Variants in ROPN1L observed in about 807,000 individuals in gnomAD.
ROPN1L encodes the protein ropporin-1-like protein.
ROPN1L carries 23 observed loss-of-function variants against 22.7 expected under a neutral mutation model. That is an observed-to-expected ratio of 1.01 (90% CI 0.73 to 1.43). The LOEUF (loss-of-function observed/expected upper bound fraction) is 1.43. ROPN1L is among the 40% of genes most tolerant of loss of function. The pLI is 0.00. For missense variants in ROPN1L, 271 were observed against 291.5 expected, an observed-to-expected ratio of 0.93 and a Z score of 0.51; for synonymous variants, 116 against 117.8, an observed-to-expected ratio of 0.98 and a Z score of 0.10.
At chr5:10,446,082 T>C (rs955171938) in intron 1 of ROPN1L, among the ~76,000 whole-genome samples, 2 of 152,242 alleles carry the variant, frequency 1.3e-5, no homozygotes, top group African/African-American at 4.8e-5. Flanking sequence ...GAGTCGGCTG[T>C]TCCTTATGAC....
intron 4 of ROPN1L, 85 bp from the exon 5 acceptor site, chr5:10,464,763 T>C (rs1050902966): frequency 5.2e-6 from 4 of 772,150 alleles, no homozygotes; most frequent in Non-Finnish European, 8.2e-6. Context: ...AGTAGACCTT[T>C]TAAATTATAT....
chr5:10,477,336 C>T, the ROPN1L span, among the ~76,000 whole-genome samples: 3 of 152,218 alleles, frequency 2.0e-5, no homozygotes, highest in Non-Finnish European at 4.4e-5. Flanking sequence ...TCCTGGTCCA[C>T]GGACTTGCTA....
At chr5:10,443,932 C>T (rs900842497) in intron 1 of ROPN1L, among the ~76,000 whole-genome samples, 4 of 152,154 alleles carry the variant, frequency 2.6e-5, no homozygotes, top group African/African-American at 7.2e-5. Context: ...AGTTTTCCCA[C>T]CCGAGATCCT....
At chr5:10,464,641 T>C (rs1471813005) in intron 4 of ROPN1L, among the ~76,000 whole-genome samples, 2 of 152,240 alleles carry the variant, frequency 1.3e-5, no homozygotes, top group African/African-American at 4.8e-5. Context: ...TCTTTTCACC[T>C]AGAAATAAAG....
chr5:10,450,158 G>C (rs777295315), intron 3 of ROPN1L, 45 bp downstream of exon 3: 2 of 1,442,244 alleles, frequency 1.4e-6, no homozygotes, highest in African/African-American at 2.9e-5. Flanking sequence ...TGTCATCATG[G>C]TCCCAGCTTA....
chr5:10,477,237 G>C, the ROPN1L span, among the ~76,000 whole-genome samples: 38 of 152,244 alleles, frequency 2.5e-4, no homozygotes, highest in African/African-American at 8.7e-4. Context: ...GGTCTATGCA[G>C]TTAACCTTGA....
At chr5:10,458,961 ACCTGTATACACCACCCCG>A (rs1561174873) in intron 3 of ROPN1L, among the ~76,000 whole-genome samples, 2 of 46,232 alleles carry the variant, frequency 4.3e-5, no homozygotes, top group South Asian at 1.5e-3. Context: ...ACACCACCCC[ACCTGTATACACCACCCCG>A]CCTGTATACC....
chr5:10,463,830 T>C (rs2648812), intron 4 of ROPN1L, among the ~76,000 whole-genome samples: 29,415 of 151,908 alleles, frequency 0.19, 3,997 homozygotes, highest in East Asian at 0.66. Flanking sequence ...AAGCCAGGGA[T>C]AGGGACCAAT....
At chr5:10,459,174 T>A (rs1175053826) in intron 3 of ROPN1L, among the ~76,000 whole-genome samples, 1 of 151,884 alleles carries the variant, frequency 6.6e-6, no homozygotes, top group East Asian at 2.0e-4. Flanking sequence ...CATGGTTCTG[T>A]CTCTGCCCAC....
intron 4 of ROPN1L, among the ~76,000 whole-genome samples, chr5:10,471,563 G>A (rs1735245939): frequency 6.6e-6 from 1 of 152,252 alleles, no homozygotes; most frequent in Non-Finnish European, 1.5e-5. Flanking sequence ...GGGGAGGGCT[G>A]AGGGGAGCCC....
At chr5:10,458,616 TGTACATCATC>T (rs1734913039) in intron 3 of ROPN1L, among the ~76,000 whole-genome samples, 1 of 58,504 alleles carries the variant, frequency 1.7e-5, no homozygotes, top group African/African-American at 7.7e-5. Context: ...GTCCCCACCA[TGTACATCATC>T]CCCCCATGTA....
At chr5:10,444,285 T>C (rs1740983580) in intron 1 of ROPN1L, among the ~76,000 whole-genome samples, 1 of 152,106 alleles carries the variant, frequency 6.6e-6, no homozygotes. Flanking sequence ...AGCTTCACTT[T>C]GTTTATTTAT....
chr5:10,469,122 TC>T (rs1561181129), downstream of ROPN1L, among the ~76,000 whole-genome samples: 1 of 152,100 alleles, frequency 6.6e-6, no homozygotes, highest in Non-Finnish European at 1.5e-5. Context: ...GCCACTGCAC[TC>T]CAGCCTGGGC....
intron 3 of ROPN1L, among the ~76,000 whole-genome samples, chr5:10,450,793 C>T (rs1279577610): frequency 1.3e-5 from 2 of 152,310 alleles, no homozygotes; most frequent in East Asian, 3.9e-4. Context: ...CGTGAGCCAC[C>T]GCGCCGGCCT....
intron 3 of ROPN1L, 130 bp downstream of exon 3, chr5:10,450,243 C>T (rs1741212760): frequency 1.6e-6 from 1 of 627,576 alleles, no homozygotes; most frequent in South Asian, 2.7e-5. Flanking sequence ...CCCCCTGCTC[C>T]AGGCCTATTA....
At chr5:10,451,135 T>C (rs1048424614) in intron 3 of ROPN1L, among the ~76,000 whole-genome samples, 2 of 152,146 alleles carry the variant, frequency 1.3e-5, no homozygotes, top group African/African-American at 4.8e-5. Context: ...AATTTGATTT[T>C]CCCCCCTCCC....
At chr5:10,446,735 G>A (rs879293905) in intron 1 of ROPN1L, among the ~76,000 whole-genome samples, 1 of 152,006 alleles carries the variant, frequency 6.6e-6, no homozygotes, top group Non-Finnish European at 1.5e-5. Context: ...GGGGGAAAGA[G>A]GAGGAGCATT....
chr5:10,444,388 T>C (rs1740988088), intron 1 of ROPN1L, among the ~76,000 whole-genome samples: 1 of 152,046 alleles, frequency 6.6e-6, no homozygotes, highest in Admixed American at 6.5e-5. Context: ...CCTCCCGGGT[T>C]CAAGCGATTC....
At chr5:10,453,331 G>T (rs545112742) in intron 3 of ROPN1L, among the ~76,000 whole-genome samples, 2 of 152,110 alleles carry the variant, frequency 1.3e-5, no homozygotes, top group African/African-American at 4.8e-5. Context: ...CTCGGGGTGC[G>T]CTGGGTAGAC....
Sources: gnomAD v4.1 joint callset for allele counts (sites outside exome capture counted in the v4.1 genomes callset) on GRCh38, gnomAD v4.1.1 for gene constraint, MANE v1.5 for transcripts, NCBI Gene and HGNC (gene_info 2026-07-23, HGNC 2026-07-21) for gene names.